AFG1L: variants seen among roughly 807,000 people sequenced by gnomAD.
AFG1L encodes AFG1 like ATPase, also known as AFG1-like ATPase.
A neutral mutation model predicts 62.2 loss-of-function variants in AFG1L; 53 were observed. The observed-to-expected ratio is 0.85, with a 90% CI of 0.68 to 1.07. The LOEUF (loss-of-function observed/expected upper bound fraction) is 1.07. AFG1L is among the 50% of genes least tolerant of loss of function. AFG1L has a pLI of 0.00. For missense variants in AFG1L, 555 were observed against 590.5 expected (o/e 0.94, Z 0.62); for synonymous variants, 228 against 210.3 (o/e 1.08, Z -0.73).
intron 1 of AFG1L, chr6:108,319,754 G>A (rs753296817): frequency 9.2e-6 from 4 of 433,634 alleles, no homozygotes; most frequent in Non-Finnish European, 1.4e-5. Context: ...GACTACAGAT[G>A]TGTGCCACTC....
chr6:108,447,170 G>C lies in AFG1L; in HGVS notation c.808-44G>C, dbSNP rs777098886. On this transcript the variant is annotated intron_variant, in intron 7 of 12. Coordinates refer to ENST00000368977, the MANE Select transcript of AFG1L (RefSeq NM_145315.5). ...TATAAGGGAAGGATTGTAATTCTGA[G>C]CCACTACTTGTTTAAAAAGGCACTT... The C allele has an allele frequency of 8.2e-6, 8 of 978,306 alleles. No individual in the cohort carries two copies. In the East Asian group the frequency reaches 1.9e-4, roughly 24 times the overall value. 60.6% of individuals were successfully genotyped at this position (978,306 alleles called of 1,614,324 possible).
intron 5 of AFG1L, among the ~76,000 whole-genome samples, chr6:108,357,151 A>T (rs1270812802): frequency 6.6e-6 from 1 of 152,062 alleles, no homozygotes; most frequent in African/African-American, 2.4e-5. Context: ...GCAGTGGCAT[A>T]ATCAAAGCTC....
chr6:108,372,995 C>T (rs1015153974), intron 6 of AFG1L: 3 of 152,200 alleles, frequency 2.0e-5, no homozygotes, highest in Non-Finnish European at 4.4e-5. Context: ...AGAACTCAGC[C>T]TAGATTTTTA....
At chr6:108,305,383 A>G (rs1399281674) in intron 1 of AFG1L, among the ~76,000 whole-genome samples, 1 of 152,072 alleles carries the variant, frequency 6.6e-6, no homozygotes, top group Non-Finnish European at 1.5e-5. Context: ...GTTCTTAGAA[A>G]TTATGAATTA....
chr6:108,399,290 C>T (rs1489912528), intron 6 of AFG1L, among the ~76,000 whole-genome samples: 4 of 137,408 alleles, frequency 2.9e-5, no homozygotes, highest in Non-Finnish European at 6.1e-5. Context: ...TGGGTTCAAG[C>T]GATTTCCCTG....
intron 8 of AFG1L, among the ~76,000 whole-genome samples, chr6:108,461,567 C>T (rs181277321): frequency 1.4e-4 from 21 of 152,158 alleles, no homozygotes; most frequent in South Asian, 8.3e-4. Context: ...GCCATTTTCC[C>T]GCCTCAGCCT....
intron 10 of AFG1L, among the ~76,000 whole-genome samples, chr6:108,493,196 A>G (rs1332490041): frequency 6.6e-6 from 1 of 152,222 alleles, no homozygotes; most frequent in Non-Finnish European, 1.5e-5. Context: ...AAGTGTTCCC[A>G]CAGCATCTGA....
intron 3 of AFG1L, among the ~76,000 whole-genome samples, chr6:108,349,725 G>C (rs989751607): frequency 1.3e-5 from 2 of 151,958 alleles, no homozygotes; most frequent in African/African-American, 4.8e-5. Flanking sequence ...AGACTAGCCT[G>C]GACAACTAGG....
At chr6:108,441,457 C>A (rs1183469510) in intron 7 of AFG1L, among the ~76,000 whole-genome samples, 1 of 151,862 alleles carries the variant, frequency 6.6e-6, no homozygotes, top group Non-Finnish European at 1.5e-5. Context: ...TATAAATATG[C>A]AAACTATTTT....
chr6:108,480,092 C>T (rs1361157111), intron 10 of AFG1L, among the ~76,000 whole-genome samples: 1 of 152,204 alleles, frequency 6.6e-6, no homozygotes, highest in Non-Finnish European at 1.5e-5. Context: ...TCTTCCCTCA[C>T]TGTTCCAAGC....
rs764712525 is a variant in AFG1L, at chr6:108,324,037, C to CT, written c.358dup (p.Ser120PhefsTer59). ...AGGATACAATATAGAGGCAGAAGGC[C>CT]TTTTTTCAAAGGTGAGGCTTGTGTG... On this transcript the variant is annotated frameshift_variant, in exon 2 of 13. Transcript: ENST00000368977. LOFTEE classifies it high-confidence loss of function. 1.9e-6 allele frequency: 3 copies of CT among 1,608,782 alleles called. No homozygotes were observed. Among genetic ancestry groups the CT allele is most frequent in the Admixed American group, 1.7e-5 (1 of 59,750 alleles).
intron 8 of AFG1L, among the ~76,000 whole-genome samples, chr6:108,454,910 A>C (rs1389477543): frequency 6.6e-6 from 1 of 152,118 alleles, no homozygotes; most frequent in Non-Finnish European, 1.5e-5. Context: ...AAGTGCTGGG[A>C]TTACAGGAGT....
At chr6:108,465,194 A>G (rs1156551533) in intron 8 of AFG1L, among the ~76,000 whole-genome samples, 2 of 152,186 alleles carry the variant, frequency 1.3e-5, no homozygotes, top group African/African-American at 4.8e-5. Context: ...ATGTGACATT[A>G]TATTCTTGTG....
chr6:108,349,530 G>A (rs1330129574), intron 3 of AFG1L, among the ~76,000 whole-genome samples: 1 of 151,950 alleles, frequency 6.6e-6, no homozygotes. Flanking sequence ...TTTCATTTGA[G>A]GGGCTCTCTG....
At chr6:108,304,725 T>G (rs1777139307) in intron 1 of AFG1L, among the ~76,000 whole-genome samples, 1 of 152,238 alleles carries the variant, frequency 6.6e-6, no homozygotes, top group Admixed American at 6.5e-5. Flanking sequence ...TAGTTTTGAT[T>G]TCATTTAACT....
intron 8 of AFG1L, among the ~76,000 whole-genome samples, chr6:108,449,159 G>GTATA (rs10603688): frequency 4.1e-5 from 6 of 145,862 alleles, no homozygotes; most frequent in African/African-American, 1.0e-4. Flanking sequence ...AAAAAAAAAA[G>GTATA]TATATATATA....
chr6:108,522,197 C>G (rs1224916336), intron 12 of AFG1L, 100 bp from the exon 13 acceptor site: 2 of 1,076,414 alleles, frequency 1.9e-6, no homozygotes, highest in African/African-American at 3.2e-5. Flanking sequence ...AAGGCATAAT[C>G]TAAACCGGTA....
chr6:108,307,278 C>T (rs889708095), intron 1 of AFG1L, among the ~76,000 whole-genome samples: 4 of 152,122 alleles, frequency 2.6e-5, no homozygotes, highest in African/African-American at 7.2e-5. Context: ...CCCCAAAGTG[C>T]TAGGATTACG....
chr6:108,434,482 A>G (rs1390497824), intron 7 of AFG1L, among the ~76,000 whole-genome samples: 3 of 152,156 alleles, frequency 2.0e-5, no homozygotes, highest in Non-Finnish European at 2.9e-5. Flanking sequence ...CTTTAAAGCA[A>G]TCAAGCTCTG....
Sources: allele counts gnomAD v4.1 joint callset (sites outside exome capture counted in the v4.1 genomes callset), GRCh38; gene constraint gnomAD v4.1.1; transcripts MANE v1.5; gene names NCBI Gene and HGNC (gene_info 2026-07-23, HGNC 2026-07-21).